GABRA2: variants seen among roughly 807,000 people sequenced by gnomAD.
GABRA2 encodes the protein gamma-aminobutyric acid receptor subunit alpha-2.
Under a neutral mutation model 48.7 loss-of-function variants are expected in GABRA2, and 16 were observed. That is an observed-to-expected ratio of 0.33 (90% CI 0.22 to 0.50). The LOEUF (loss-of-function observed/expected upper bound fraction) is 0.50. Among genes scored for constraint, GABRA2 ranks in the 20% least tolerant of loss-of-function variants. The pLI is 0.98. For missense variants in GABRA2, 275 were observed against 535.6 expected (o/e 0.51, Z 4.80); for synonymous variants, 185 against 184.5 (o/e 1.00, Z -0.02).
intron 2 of GABRA2, 62 bp from the exon 3 acceptor site, chr4:46,386,251 G>C: frequency 1.0e-6 from 1 of 962,444 alleles, no homozygotes; most frequent in Non-Finnish European, 1.6e-6. Flanking sequence ...ATGCCAACAT[G>C]CTTTTCTTCC....
chr4:46,326,130 G>A (rs1372042977), intron 4 of GABRA2, among the ~76,000 whole-genome samples: 2 of 151,932 alleles, frequency 1.3e-5, no homozygotes, highest in Non-Finnish European at 2.9e-5. Flanking sequence ...TATTGATAGT[G>A]TGATAGGAAT....
intron 8 of GABRA2, among the ~76,000 whole-genome samples, chr4:46,271,308 A>C: frequency 6.6e-6 from 1 of 152,024 alleles, no homozygotes; most frequent in Admixed American, 6.6e-5. Context: ...ACAGAATATA[A>C]CAAAGGTATG....
rs752219965 is a variant in GABRA2 at position 46,303,643 on chromosome 4, T to A, written c.704-31A>T. The A allele has an allele frequency of 2.5e-5, 39 of 1,589,610 alleles. 1 individual carries two copies. In the South Asian group the frequency reaches 3.7e-4, roughly 15 times the overall value. Reference sequence around the variant, plus strand: ...AGAAAAATTTAAGAAGCTCAAGGAGTAATAGTCAATACTTTGAACATTTAG... The same window carrying A: ...AGAAAAATTTAAGAAGCTCAAGGAGAAATAGTCAATACTTTGAACATTTAG... On this transcript the variant is annotated intron_variant, in intron 7 of 9. Coordinates refer to ENST00000381620, the MANE Select transcript of GABRA2 (RefSeq NM_000807.4).
intron 4 of GABRA2, among the ~76,000 whole-genome samples, chr4:46,325,649 C>T (rs959291318): frequency 6.6e-6 from 1 of 151,956 alleles, no homozygotes; most frequent in South Asian, 2.1e-4. Context: ...AAATTGTTGT[C>T]AAGGCCTAGG....
At chr4:46,261,574 G>A (rs1183216569) in intron 9 of GABRA2, 2 of 360,512 alleles carry the variant, frequency 5.5e-6, no homozygotes, top group Non-Finnish European at 1.0e-5. Context: ...GTAAGCTTGG[G>A]CAAGAAAATA....
At chr4:46,348,065 A>C (rs1213687817) in intron 3 of GABRA2, among the ~76,000 whole-genome samples, 1 of 152,136 alleles carries the variant, frequency 6.6e-6, no homozygotes, top group Non-Finnish European at 1.5e-5. Flanking sequence ...AATGAACCCA[A>C]ACAAATTTAC....
intron 3 of GABRA2, among the ~76,000 whole-genome samples, chr4:46,359,330 C>T (rs192772703): frequency 6.6e-6 from 1 of 152,212 alleles, no homozygotes; most frequent in Admixed American, 6.5e-5. Context: ...TTAAACTAAT[C>T]TTTATAGCAC....
chr4:46,321,003 T>TAAAA (rs749810413), intron 4 of GABRA2, among the ~76,000 whole-genome samples: 1 of 151,938 alleles, frequency 6.6e-6, no homozygotes, highest in Non-Finnish European at 1.5e-5. Flanking sequence ...ATGAATAAAT[T>TAAAA]ATTTAAACAT....
chr4:46,274,440 T>C (rs751472938), intron 8 of GABRA2, among the ~76,000 whole-genome samples: 71 of 152,224 alleles, frequency 4.7e-4, no homozygotes, highest in Non-Finnish European at 8.8e-4. Context: ...GTTGCTAAGA[T>C]CTTTATGAAT....
At chr4:46,268,543 A>T (rs1030795026) in intron 8 of GABRA2, among the ~76,000 whole-genome samples, 1 of 151,950 alleles carries the variant, frequency 6.6e-6, no homozygotes, top group Non-Finnish European at 1.5e-5. Flanking sequence ...AAAAGAGAAC[A>T]TGTGTTGGCA....
chr4:46,315,476 T>G (rs562996309), intron 4 of GABRA2, among the ~76,000 whole-genome samples: 1 of 152,128 alleles, frequency 6.6e-6, no homozygotes, highest in South Asian at 2.1e-4. Context: ...ACCCTCACCA[T>G]GCAAACTCAT....
intron 8 of GABRA2, among the ~76,000 whole-genome samples, chr4:46,299,129 T>A (rs1401746672): frequency 6.6e-6 from 1 of 151,672 alleles, no homozygotes; most frequent in African/African-American, 2.4e-5. Flanking sequence ...AAATAGATCA[T>A]AAGCATATGT....
chr4:46,308,326 C>T lies in GABRA2; in HGVS notation c.559+1847G>A, dbSNP rs144834096. ...ATTGTAAGCACACAGAAAAAAAATG[C>T]TTCTTTTGATTGAGGACACTGACGA... is the stretch of plus-strand genomic sequence containing the variant. On this transcript the variant is annotated intron_variant, in intron 6 of 9. Coordinates refer to ENST00000381620, the MANE Select transcript of GABRA2 (RefSeq NM_000807.4). Among the ~76,000 whole-genome samples the T allele has an allele frequency of 4.0e-3, 605 of 152,130 alleles. 2 individuals carry two copies. The highest frequency in any genetic ancestry group is 6.3e-3 in the Non-Finnish European group (427 of 67,980).
intron 8 of GABRA2, among the ~76,000 whole-genome samples, chr4:46,265,393 T>C (rs200365175): frequency 5.6e-5 from 7 of 125,872 alleles, no homozygotes; most frequent in African/African-American, 5.7e-5. Context: ...ACAATATATA[T>C]ATAATATATT....
chr4:46,389,602 G>A (rs746824211), intron 1 of GABRA2, 133 bp downstream of exon 1: 2 of 472,146 alleles, frequency 4.2e-6, no homozygotes, highest in African/African-American at 4.2e-5. Flanking sequence ...CTGGGGAGGA[G>A]GGAGGTGCGG....
At chr4:46,320,185 T>A (rs1729216526) in intron 4 of GABRA2, among the ~76,000 whole-genome samples, 1 of 151,926 alleles carries the variant, frequency 6.6e-6, no homozygotes, top group Non-Finnish European at 1.5e-5. Flanking sequence ...TTGGAATTTC[T>A]GAAAGGGGTA....
intron 3 of GABRA2, among the ~76,000 whole-genome samples, chr4:46,383,987 TATC>T (rs1432979813): frequency 6.6e-6 from 1 of 152,220 alleles, no homozygotes; most frequent in African/African-American, 2.4e-5. Flanking sequence ...AAAGAATTGA[TATC>T]ATTGAAATGC....
intron 9 of GABRA2, among the ~76,000 whole-genome samples, chr4:46,256,857 TAAAAC>T (rs1334851685): frequency 1.3e-5 from 2 of 151,714 alleles, no homozygotes; most frequent in Non-Finnish European, 3.0e-5. Context: ...AAATGACTCA[TAAAAC>T]AATAGCACAT....
intron 3 of GABRA2, among the ~76,000 whole-genome samples, chr4:46,346,630 T>C (rs1037457336): frequency 1.3e-5 from 2 of 148,790 alleles, no homozygotes; most frequent in Admixed American, 1.3e-4. Flanking sequence ...TTATATTTAT[T>C]ATATTTATTA....
Sources: allele counts gnomAD v4.1 joint callset (sites outside exome capture counted in the v4.1 genomes callset), GRCh38; gene constraint gnomAD v4.1.1; transcripts MANE v1.5; gene names NCBI Gene and HGNC (gene_info 2026-07-23, HGNC 2026-07-21).